NPAS3: variants seen among roughly 807,000 people sequenced by gnomAD.
The protein encoded by NPAS3 is neuronal PAS domain-containing protein 3.
Under a neutral mutation model 73.1 loss-of-function variants are expected in NPAS3, and 14 were observed. The observed-to-expected ratio is 0.19, with a 90% confidence interval of 0.13 to 0.30. The LOEUF is 0.30. Among genes scored for constraint, NPAS3 ranks in the 10% least tolerant of loss-of-function variants. The pLI is 1.00. For missense variants in NPAS3, 1,096 were observed against 1,250.0 expected, an observed-to-expected ratio of 0.88 and a Z score of 1.86; for synonymous variants, 620 against 541.5, an observed-to-expected ratio of 1.14 and a Z score of -2.01.
intron 3 of NPAS3, among the ~76,000 whole-genome samples, chr14:33,220,880 A>G (rs1471202770): frequency 6.6e-6 from 1 of 152,236 alleles, no homozygotes; most frequent in African/African-American, 2.4e-5. Flanking sequence ...AGCTCCAGAC[A>G]GTGACTTGAA....
chr14:33,361,525 T>C (rs2045601261), intron 3 of NPAS3, among the ~76,000 whole-genome samples: 2 of 152,304 alleles, frequency 1.3e-5, no homozygotes, highest in East Asian at 1.9e-4. Context: ...CCAAAAGCAG[T>C]TCATTTATAA....
intron 6 of NPAS3, among the ~76,000 whole-genome samples, chr14:33,715,860 T>A (rs1385758886): frequency 1.3e-5 from 2 of 152,278 alleles, no homozygotes; most frequent in African/African-American, 4.8e-5. Flanking sequence ...GTTGAGTAAG[T>A]CTCACAAGAT....
chr14:33,105,396 C>T (rs1016482392), intron 2 of NPAS3, among the ~76,000 whole-genome samples: 6 of 152,102 alleles, frequency 3.9e-5, no homozygotes, highest in African/African-American at 1.4e-4. Flanking sequence ...ATGGTGGCTG[C>T]TCCTATGATC....
intron 2 of NPAS3, among the ~76,000 whole-genome samples, chr14:33,131,204 G>T (rs1391533882): frequency 6.6e-6 from 1 of 152,112 alleles, no homozygotes; most frequent in Non-Finnish European, 1.5e-5. Flanking sequence ...AGTCTCTCTT[G>T]TGTAGTAAAA....
intron 1 of NPAS3, among the ~76,000 whole-genome samples, chr14:32,990,576 A>G (rs898639956): frequency 6.6e-6 from 1 of 152,152 alleles, no homozygotes; most frequent in African/African-American, 2.4e-5. Flanking sequence ...AGGTAGAGGA[A>G]TAACTGGAAG....
intron 4 of NPAS3, among the ~76,000 whole-genome samples, chr14:33,507,138 A>C (rs142432217): frequency 1.8e-3 from 267 of 152,056 alleles, no homozygotes; most frequent in African/African-American, 5.8e-3. Flanking sequence ...GAGCATGTGG[A>C]GTTTGTCACA....
intron 4 of NPAS3, among the ~76,000 whole-genome samples, chr14:33,438,346 T>TC (rs1470727547): frequency 6.6e-6 from 1 of 152,206 alleles, no homozygotes; most frequent in African/African-American, 2.4e-5. Context: ...AGTAAGACTC[T>TC]CCATGTGGCA....
intron 4 of NPAS3, among the ~76,000 whole-genome samples, chr14:33,457,858 C>G (rs1272684593): frequency 6.6e-6 from 1 of 152,150 alleles, no homozygotes; most frequent in Non-Finnish European, 1.5e-5. Context: ...AGCACCCTGG[C>G]CAACCCCCTG....
intron 2 of NPAS3, among the ~76,000 whole-genome samples, chr14:33,133,149 TATC>T (rs1210809222): frequency 1.3e-5 from 2 of 152,274 alleles, no homozygotes; most frequent in East Asian, 1.9e-4. Context: ...TTACTCATGT[TATC>T]ATCATATAAT....
At chr14:33,690,394 T>C (rs1292338306) in intron 6 of NPAS3, among the ~76,000 whole-genome samples, 1 of 151,978 alleles carries the variant, frequency 6.6e-6, no homozygotes, top group African/African-American at 2.4e-5. Flanking sequence ...ATTAAGAAAC[T>C]CATTTCACAT....
At chr14:33,694,842 C>T (rs1036136797) in intron 6 of NPAS3, among the ~76,000 whole-genome samples, 2 of 152,218 alleles carry the variant, frequency 1.3e-5, no homozygotes, top group African/African-American at 4.8e-5. Context: ...CACCTTTCTA[C>T]GTGACCCCTG....
At chr14:32,936,632 G>A (rs2035702873), upstream of NPAS3, among the ~76,000 whole-genome samples, 1 of 152,094 alleles carries the variant, frequency 6.6e-6, no homozygotes, top group African/African-American at 2.4e-5. Flanking sequence ...AATGTCAGAT[G>A]GCCTTTGGAA....
At chr14:33,388,488 G>C (rs1007426407) in intron 4 of NPAS3, among the ~76,000 whole-genome samples, 67 of 152,090 alleles carry the variant, frequency 4.4e-4, no homozygotes, top group African/African-American at 1.5e-3. Context: ...GGATTTCTGT[G>C]GCAGGTGAAT....
chr14:33,794,080 TTATAAAATATGCCA>T, intron 10 of NPAS3, 36 bp downstream of exon 10: 1 of 1,569,980 alleles, frequency 6.4e-7, no homozygotes, highest in East Asian at 2.2e-5. Context: ...TCTGTCCTGG[TTATAAAATATGCCA>T]TATAAAATAT....
chr14:33,364,851 A>AGCTT (rs1451844370), intron 3 of NPAS3, among the ~76,000 whole-genome samples: 2 of 151,644 alleles, frequency 1.3e-5, no homozygotes, highest in African/African-American at 4.8e-5. Flanking sequence ...TTGTTACTGG[A>AGCTT]GCTTGCATCT....
intron 1 of NPAS3, among the ~76,000 whole-genome samples, chr14:33,000,049 G>A (rs577942951): frequency 1.3e-5 from 2 of 152,274 alleles, no homozygotes; most frequent in African/African-American, 4.8e-5. Context: ...CACTCTGCTG[G>A]GGGAATAGAG....
At chr14:33,151,689 A>G (rs2044450158) in intron 2 of NPAS3, among the ~76,000 whole-genome samples, 1 of 152,222 alleles carries the variant, frequency 6.6e-6, no homozygotes, top group Non-Finnish European at 1.5e-5. Context: ...CTGAATACAT[A>G]ATTTTATATG....
chr14:33,249,962 T>C (rs955448194), intron 3 of NPAS3, among the ~76,000 whole-genome samples: 1 of 151,688 alleles, frequency 6.6e-6, no homozygotes, highest in African/African-American at 2.4e-5. Context: ...ATAAAATTGT[T>C]ACTGTTCGAT....
At chr14:33,166,496 G>T (rs1013487013) in intron 2 of NPAS3, among the ~76,000 whole-genome samples, 1 of 152,130 alleles carries the variant, frequency 6.6e-6, no homozygotes, top group Non-Finnish European at 1.5e-5. Flanking sequence ...GACTCTTGGA[G>T]GGAGGGCAGG....
Sources: allele counts gnomAD v4.1 joint callset (sites outside exome capture counted in the v4.1 genomes callset), GRCh38; gene constraint gnomAD v4.1.1; transcripts MANE v1.5; gene names NCBI Gene and HGNC (gene_info 2026-07-23, HGNC 2026-07-21).